Variants in TAPT1 observed in about 807,000 individuals in gnomAD.
TAPT1 encodes transmembrane anterior posterior transformation protein 1 homolog.
A neutral mutation model predicts 65.6 loss-of-function variants in TAPT1; 28 were observed. The observed-to-expected ratio is 0.43, with a 90% CI of 0.32 to 0.59. TAPT1 has a LOEUF of 0.59. TAPT1 is among the 20% of genes least tolerant of loss of function. The pLI, the probability that TAPT1 is intolerant of heterozygous loss-of-function variation, is 0.09. For missense variants in TAPT1, 563 were observed against 679.9 expected, an observed-to-expected ratio of 0.83 and a Z score of 1.91; for synonymous variants, 278 against 245.2, an observed-to-expected ratio of 1.13 and a Z score of -1.25.
At chr4:16,185,013 G>A (rs796421150) in intron 7 of TAPT1, among the ~76,000 whole-genome samples, 2 of 152,154 alleles carry the variant, frequency 1.3e-5, no homozygotes, top group African/African-American at 4.8e-5. Context: ...TACTTTTTGT[G>A]TGGTCTCCAA....
At chr4:16,211,776 T>C (rs1415152299) in intron 2 of TAPT1, among the ~76,000 whole-genome samples, 1 of 152,136 alleles carries the variant, frequency 6.6e-6, no homozygotes, top group South Asian at 2.1e-4. Flanking sequence ...TCTTCTATTT[T>C]CTTAAAAAAA....
intron 3 of TAPT1, among the ~76,000 whole-genome samples, chr4:16,200,176 A>C (rs1281485036): frequency 6.6e-6 from 1 of 152,224 alleles, no homozygotes; most frequent in East Asian, 1.9e-4. Context: ...ACATTGTGCC[A>C]ACAGCCACTA....
chr4:16,181,561 G>A (rs1748714458), intron 7 of TAPT1, among the ~76,000 whole-genome samples: 1 of 152,140 alleles, frequency 6.6e-6, no homozygotes, highest in Non-Finnish European at 1.5e-5. Context: ...CATTAAAGGT[G>A]TATTTAAGGC....
chr4:16,225,684 T>C (rs1211342919), intron 1 of TAPT1, among the ~76,000 whole-genome samples: 2 of 152,218 alleles, frequency 1.3e-5, no homozygotes, highest in African/African-American at 4.8e-5. Flanking sequence ...TTTTTTGGCA[T>C]AAGTTTCAGT....
chr4:16,206,132 G>A (rs1328009418), intron 2 of TAPT1, among the ~76,000 whole-genome samples: 4 of 152,100 alleles, frequency 2.6e-5, no homozygotes, highest in Admixed American at 6.6e-5. Flanking sequence ...TTAATCATCC[G>A]AATTAAAAAA....
intron 2 of TAPT1, among the ~76,000 whole-genome samples, chr4:16,210,282 T>C (rs902806540): frequency 3.3e-5 from 5 of 152,172 alleles, no homozygotes; most frequent in Admixed American, 6.5e-5. Context: ...AAGTCGAATT[T>C]AGTGGCAAGC....
Position 16,201,507 on chromosome 4 carries a change from G to T in TAPT1, c.449+955C>A, listed in dbSNP as rs914427805. On this transcript the variant is annotated intron_variant, in intron 3 of 13. Coordinates refer to ENST00000405303, the MANE Select transcript of TAPT1 (RefSeq NM_153365.3). ...TGATGCATGTCAGAAATGTAACCTC[G>T]ACATCTATGCTAAGAACTCAATAAA... Among the ~76,000 whole-genome samples, 3 of 152,068 alleles carry T rather than the reference G, an allele frequency of 2.0e-5. No homozygotes were observed. In the East Asian group the frequency reaches 5.8e-4, roughly 29 times the overall value.
At chr4:16,201,720 A>G (rs1194714034) in intron 3 of TAPT1, among the ~76,000 whole-genome samples, 1 of 152,184 alleles carries the variant, frequency 6.6e-6, no homozygotes, top group Non-Finnish European at 1.5e-5. Context: ...AAAACAGATT[A>G]TCTGTTCTGG....
intron 3 of TAPT1, among the ~76,000 whole-genome samples, chr4:16,196,040 A>G (rs1749689181): frequency 6.6e-6 from 1 of 152,236 alleles, no homozygotes; most frequent in Non-Finnish European, 1.5e-5. Context: ...TAATTGGAAG[A>G]GTGAAGAAAC....
At chr4:16,186,757 A>G (rs1265919846) in intron 6 of TAPT1, 24 bp downstream of exon 6, 6 of 1,542,188 alleles carry the variant, frequency 3.9e-6, no homozygotes, top group Non-Finnish European at 5.4e-6. Flanking sequence ...AACTTCAAAA[A>G]TGTAAGATAA....
At chr4:16,163,642 T>C (rs1245012924) in intron 13 of TAPT1, 105 bp from the exon 14 acceptor site, 15 of 822,256 alleles carry the variant, frequency 1.8e-5, no homozygotes, top group Middle Eastern at 3.6e-4. Flanking sequence ...CCATTATCCA[T>C]GCTTTCCGAT....
At chr4:16,194,894 C>A (rs933143603) in intron 3 of TAPT1, among the ~76,000 whole-genome samples, 19 of 130,696 alleles carry the variant, frequency 1.5e-4, no homozygotes, top group Non-Finnish European at 1.8e-4. Context: ...TCTTCTTCTT[C>A]TTATTTTTTG....
At chr4:16,208,749 C>T (rs1019887172) in intron 2 of TAPT1, among the ~76,000 whole-genome samples, 2 of 152,196 alleles carry the variant, frequency 1.3e-5, no homozygotes, top group African/African-American at 4.8e-5. Context: ...TGACTGTTAG[C>T]CAGCTTTTCC....
chr4:16,179,973 C>T (rs1363612563), intron 7 of TAPT1, among the ~76,000 whole-genome samples: 2 of 152,176 alleles, frequency 1.3e-5, no homozygotes, highest in African/African-American at 2.4e-5. Flanking sequence ...CTCCAATGGG[C>T]TTTGGGGACA....
At chr4:16,210,102 C>G (rs1245813622) in intron 2 of TAPT1, among the ~76,000 whole-genome samples, 3 of 152,180 alleles carry the variant, frequency 2.0e-5, no homozygotes, top group African/African-American at 7.2e-5. Flanking sequence ...GTTATCATCT[C>G]TCATGGCCAT....
chr4:16,226,588 C>A, upstream of TAPT1: 1 of 572,124 alleles, frequency 1.7e-6, no homozygotes, highest in Non-Finnish European at 2.2e-6. Flanking sequence ...CGCGGCCCGC[C>A]GACCGGCGCG....
intron 1 of TAPT1, among the ~76,000 whole-genome samples, chr4:16,218,286 T>C (rs1376675724): frequency 6.6e-6 from 1 of 152,082 alleles, no homozygotes. Flanking sequence ...GTGCCTGTAA[T>C]CCCAGCTACT....
intron 1 of TAPT1, among the ~76,000 whole-genome samples, chr4:16,225,681 G>A (rs1009623041): frequency 4.6e-5 from 7 of 151,954 alleles, no homozygotes; most frequent in Non-Finnish European, 8.8e-5. Context: ...AATTTTTTTG[G>A]CATAAGTTTC....
chr4:16,181,486 G>A (rs16893158), intron 7 of TAPT1, among the ~76,000 whole-genome samples: 26,154 of 152,154 alleles, frequency 0.17, 2,688 homozygotes, highest in East Asian at 0.31. Context: ...GCAGCTGCAA[G>A]TATAGAGAAA....
Sources: gnomAD v4.1 joint callset for allele counts (sites outside exome capture counted in the v4.1 genomes callset) on GRCh38, gnomAD v4.1.1 for gene constraint, MANE v1.5 for transcripts, NCBI Gene and HGNC (gene_info 2026-07-23, HGNC 2026-07-21) for gene names.